Variants in LCORL observed in about 807,000 individuals in gnomAD.
The protein encoded by LCORL is ligand-dependent nuclear receptor corepressor-like protein.
A neutral mutation model predicts 141.8 loss-of-function variants in LCORL; 41 were observed. The ratio of observed to expected loss-of-function variants is 0.29; its 90% CI spans 0.23 to 0.38. LCORL has a LOEUF of 0.38. LCORL is among the 10% of genes least tolerant of loss of function. The probability of loss-of-function intolerance (pLI) is 1.00; values close to 1 mark genes in which losing one functional copy is unlikely to be tolerated. For synonymous variants in LCORL, 618 were observed against 694.1 expected (o/e 0.89, Z 1.72); for missense variants, 1,759 against 2,035.0 (o/e 0.86, Z 2.61).
In LCORL at chr4:18,021,601, C is replaced by T. The variant is rs1049014118; in HGVS notation, c.151G>A (p.Val51Ile). Residue 51 changes from valine (V) to isoleucine (I), a missense_variant, in exon 1 of 8, where the codon GTA becomes ATA. Around this residue, in one of 5 missense-constraint regions of LCORL, gnomAD observed 10 missense variants for 24.7 expected, o/e 0.40. Transcript: ENST00000635767. This position sits in a 1 kb window ranked among gnomAD's most constrained non-coding sequence, Gnocchi z 5.5. ...CCCCGGCCCGCGTCTCTCTTACCTA[C>T]ACAGTGCATGAGGCGGTGGCGCCAA... 23 of 1,543,594 alleles carry T rather than the reference C, an allele frequency of 1.5e-5. No homozygotes were observed. Among genetic ancestry groups the T allele is most frequent in the East Asian group, 2.5e-5 (1 of 39,860 alleles).
intron 7 of LCORL, among the ~76,000 whole-genome samples, chr4:17,850,207 G>C (rs1161198243): frequency 7.0e-6 from 1 of 143,468 alleles, no homozygotes. Flanking sequence ...TTACCATTCA[G>C]GACATAGGCA....
rs1727950078 is a variant in LCORL at position 17,884,017 on chromosome 4, T to G, written c.776+2051A>C. 6.4e-7 allele frequency: 1 copy of G among 1,550,730 alleles called. No individual in the cohort carries two copies. The highest frequency in any genetic ancestry group is 8.7e-7 in the Non-Finnish European group (1 of 1,146,398). ...TACTGTCTTTTCGATCTAATCCATC[T>G]TCAGTATTTTCAGAGGTTCCATCAA... On this transcript the variant is annotated intron_variant, in intron 6 of 7. Transcript: ENST00000635767. The surrounding 1 kb of genome is among the most constrained non-coding windows in gnomAD (Gnocchi z 4.4).
chr4:18,009,436 C>T (rs2109863286), intron 1 of LCORL, among the ~76,000 whole-genome samples: 1 of 152,060 alleles, frequency 6.6e-6, no homozygotes, highest in East Asian at 1.9e-4. Context: ...GGCATCCCTC[C>T]TACAAGAATA....
intron 4 of LCORL, among the ~76,000 whole-genome samples, chr4:17,954,760 G>T (rs894449592): frequency 6.6e-6 from 1 of 152,178 alleles, no homozygotes; most frequent in Non-Finnish European, 1.5e-5. Flanking sequence ...GGCTGTAAAA[G>T]ATACTGAGAA....
intron 4 of LCORL, among the ~76,000 whole-genome samples, chr4:17,922,384 C>T (rs1043009305): frequency 2.0e-5 from 3 of 152,164 alleles, no homozygotes; most frequent in Non-Finnish European, 4.4e-5. Context: ...GCATTTGATA[C>T]TCCTGATTCA....
chr4:17,890,028 G>A (rs78239028), intron 5 of LCORL, among the ~76,000 whole-genome samples: 3,471 of 152,052 alleles, frequency 0.023, 67 homozygotes, highest in Non-Finnish European at 0.038. Context: ...AATTTTACTA[G>A]TATATTCTCT....
chr4:17,882,612 A>G (rs1045698946), intron 6 of LCORL: 8 of 984,478 alleles, frequency 8.1e-6, no homozygotes, highest in Non-Finnish European at 8.4e-6. Context: ...CCCTGAACAA[A>G]CTGCAAATTT....
At chr4:18,015,208 A>T (rs1487385479) in intron 1 of LCORL, among the ~76,000 whole-genome samples, 1 of 152,240 alleles carries the variant, frequency 6.6e-6, no homozygotes, top group Non-Finnish European at 1.5e-5. Flanking sequence ...GAGGACACAT[A>T]ACAGCAATTT....
At chr4:17,984,863 T>C (rs1409414031) in intron 1 of LCORL, among the ~76,000 whole-genome samples, 2 of 152,092 alleles carry the variant, frequency 1.3e-5, no homozygotes, top group Non-Finnish European at 2.9e-5. Flanking sequence ...GGCTGTTAAT[T>C]TGAGATCTAA....
At chr4:17,878,889 C>A (rs1014657740) in intron 6 of LCORL, among the ~76,000 whole-genome samples, 1 of 151,148 alleles carries the variant, frequency 6.6e-6, no homozygotes, top group Non-Finnish European at 1.5e-5. Context: ...ACTACAGAAA[C>A]TAATATACAT....
At chr4:17,950,079 C>T (rs999882713) in intron 4 of LCORL, among the ~76,000 whole-genome samples, 3 of 152,052 alleles carry the variant, frequency 2.0e-5, no homozygotes, top group African/African-American at 7.2e-5. Context: ...CTCAACATTA[C>T]TTTTTAAGTG....
chr4:17,935,239 T>C (rs543012170), intron 4 of LCORL, among the ~76,000 whole-genome samples: 2 of 152,338 alleles, frequency 1.3e-5, no homozygotes, highest in South Asian at 2.1e-4. Flanking sequence ...CTATCAATGA[T>C]AGCAGTGCTG....
At chr4:17,929,786 T>A (rs1026748508) in intron 4 of LCORL, among the ~76,000 whole-genome samples, 1 of 152,128 alleles carries the variant, frequency 6.6e-6, no homozygotes. Context: ...ATTAAAAATT[T>A]TAAGCTTCAA....
At chr4:17,871,233 G>C (rs1015841944) in intron 7 of LCORL, among the ~76,000 whole-genome samples, 2 of 151,290 alleles carry the variant, frequency 1.3e-5, no homozygotes, top group Non-Finnish European at 3.0e-5. Flanking sequence ...TAATGTCCTT[G>C]TTGATTGACT....
chr4:17,923,444 G>A (rs1207763664), intron 4 of LCORL, among the ~76,000 whole-genome samples: 10 of 152,144 alleles, frequency 6.6e-5, no homozygotes, highest in African/African-American at 2.4e-4. Flanking sequence ...TCAGGAGTTC[G>A]AGACCAGCCT....
rs766730324 is a variant in LCORL at position 17,845,795 on chromosome 4, T to G, written c.*93A>C. On this transcript the variant is annotated 3_prime_UTR_variant, in exon 8 of 8. Transcript: ENST00000635767. ...AGAGATGCTGTTGTCAAATTCAGAT[T>G]CCATTCAATGGGACGATTAAGGCAC... 1.9e-6 allele frequency: 3 copies of G among 1,613,530 alleles called. No individual in the cohort carries two copies. The African/African-American group carries it at 4.0e-5, about 22-fold the overall frequency.
In LCORL at chr4:18,021,064, G is replaced by A. The variant is rs1577770254; in HGVS notation, c.154+534C>T. Reference sequence around the variant, plus strand: ...CCGGCCCATCAGCGGCCCCCGCCCTGCGAGTGCCCGTGGGTCTCCAGGTCC... The same window carrying A: ...CCGGCCCATCAGCGGCCCCCGCCCTACGAGTGCCCGTGGGTCTCCAGGTCC... On this transcript the variant is annotated intron_variant, in intron 1 of 7. Coordinates refer to ENST00000635767, the Ensembl canonical transcript of LCORL. This position sits in a 1 kb window ranked among gnomAD's most constrained non-coding sequence, Gnocchi z 5.5. 6.6e-6 allele frequency among the ~76,000 whole-genome samples: 1 copy of A among 152,050 alleles called. No homozygotes were observed. The highest frequency in any genetic ancestry group is 1.5e-5 in the Non-Finnish European group (1 of 67,962).
chr4:17,873,508 G>C, exon 7 of LCORL: 1 of 1,233,350 alleles, frequency 8.1e-7, no homozygotes, highest in East Asian at 3.2e-5. Context: ...AAATTGCTAA[G>C]AACTTCAAAA....
intron 5 of LCORL, among the ~76,000 whole-genome samples, chr4:17,899,200 C>A (rs1730478067): frequency 6.6e-6 from 1 of 152,078 alleles, no homozygotes; most frequent in African/African-American, 2.4e-5. Flanking sequence ...AAGGTGCAAA[C>A]ATTTTTTCAC....
Sources: allele counts gnomAD v4.1 joint callset (sites outside exome capture counted in the v4.1 genomes callset), GRCh38; gene constraint gnomAD v4.1.1; regional missense constraint gnomAD v4.1.1; non-coding constraint Gnocchi (gnomAD v3.1); transcripts MANE v1.5; gene names NCBI Gene and HGNC (gene_info 2026-07-23, HGNC 2026-07-21).